Variants in TMBIM1 observed in about 807,000 individuals in gnomAD.
TMBIM1 encodes the protein protein lifeguard 3.
Under a neutral mutation model 45.1 loss-of-function variants are expected in TMBIM1, and 34 were observed. The ratio of observed to expected loss-of-function variants is 0.75; its 90% CI spans 0.57 to 1.00. The LOEUF (loss-of-function observed/expected upper bound fraction) is 1.00. TMBIM1 is among the 50% of genes least tolerant of loss of function. The pLI is 0.00. For missense variants in TMBIM1, 374 were observed against 402.4 expected (o/e 0.93, Z 0.60); for synonymous variants, 157 against 153.5 (o/e 1.02, Z -0.17).
At chr2:218,277,120 G>A (rs1691296792) in intron 9 of TMBIM1, 21 bp from the exon 10 acceptor site, 1 of 1,608,222 alleles carries the variant, frequency 6.2e-7, no homozygotes, top group East Asian at 2.2e-5. Context: ...GCAAGAAAGA[G>A]GCACCTGTCA....
intron 6 of TMBIM1, chr2:218,278,175 G>A: frequency 1.6e-6 from 1 of 629,808 alleles, no homozygotes; most frequent in South Asian, 2.0e-5. Context: ...CCTGTGTTGT[G>A]GCGCCAGAAA....
rs1320868051 is a variant in TMBIM1, at chr2:218,276,857, T to G, written c.735+147A>C. 4 of 668,792 alleles carry G rather than the reference T, an allele frequency of 6.0e-6. No homozygotes were observed. In the East Asian group the frequency reaches 1.1e-4, roughly 18 times the overall value. 41.4% of individuals were successfully genotyped at this position (668,792 alleles called of 1,614,324 possible). A position where few individuals can be genotyped will look rare whatever the true frequency, so the allele number is the denominator to read the frequency against. ...TACCCTCACCCAGAAGGATGCTGCC[T>G]CCACGTTGGTGCCTTTGCTAGCCAG... On this transcript the variant is annotated intron_variant, in intron 10 of 11. Transcript: ENST00000258412.
intron 6 of TMBIM1, 101 bp from the exon 7 acceptor site, chr2:218,278,075 T>A: frequency 7.2e-7 from 1 of 1,384,588 alleles, no homozygotes; most frequent in Non-Finnish European, 1.0e-6. Flanking sequence ...CCTGGAGGAT[T>A]AAGCCTTGAC....
rs1691088248 is a variant in TMBIM1, at chr2:218,275,400, G to C, written c.*75C>G. 4 of 1,531,376 alleles carry C rather than the reference G, an allele frequency of 2.6e-6. No homozygotes were observed. Among genetic ancestry groups the C allele is most frequent in the Non-Finnish European group, 3.5e-6 (4 of 1,143,508 alleles). 94.9% of individuals were successfully genotyped at this position (1,531,376 alleles called of 1,614,324 possible). ...GGGAAGGAAAGGGGCCTAAAGCCCA[G>C]ACCACAGTCATAGGGCCCAGCCCTC... is the stretch of plus-strand genomic sequence containing the variant. On this transcript the variant is annotated 3_prime_UTR_variant, in exon 12 of 12. Transcript: ENST00000258412.
intron 6 of TMBIM1, 72 bp downstream of exon 6, chr2:218,278,443 T>C (rs1691489320): frequency 6.7e-7 from 1 of 1,482,248 alleles, no homozygotes; most frequent in Admixed American, 1.7e-5. Flanking sequence ...AAGGAATCCT[T>C]CTTTCCAAAA....
At chr2:218,279,139 CCCACCCAGG>C (rs1451685496) in intron 4 of TMBIM1, 48 bp from the exon 5 acceptor site, 8 of 1,611,018 alleles carry the variant, frequency 5.0e-6, no homozygotes, top group Non-Finnish European at 5.1e-6. Context: ...GCTTGTCTGC[CCCACCCAGG>C]CCAGCCAGGC....
intron 10 of TMBIM1, among the ~76,000 whole-genome samples, chr2:218,276,490 C>T (rs1457875859): frequency 6.6e-6 from 1 of 152,182 alleles, no homozygotes; most frequent in Non-Finnish European, 1.5e-5. Context: ...CGGGAGCACC[C>T]ACAGGACAGC....
In TMBIM1 at chr2:218,283,619, G is replaced by C. The variant is rs562093539; in HGVS notation, c.-40-1438C>G. On this transcript the variant is annotated intron_variant, in intron 1 of 11. Coordinates refer to ENST00000258412, the MANE Select transcript of TMBIM1 (RefSeq NM_022152.6). The stretch of plus-strand genomic sequence containing the variant: ...CAGCAGACACCAGAGGCTCTCAGAG[G>C]CTCTGCTGGAAGCAAGAGAGACCAG... Among the ~76,000 whole-genome samples, 5 of 152,336 alleles carry C rather than the reference G, an allele frequency of 3.3e-5. No homozygotes were observed. In the South Asian group the frequency reaches 6.2e-4, roughly 19 times the overall value.
chr2:218,276,110 A>C (rs1042924653), intron 10 of TMBIM1, 31 bp from the exon 11 acceptor site: 3 of 1,608,194 alleles, frequency 1.9e-6, no homozygotes, highest in Admixed American at 3.4e-5. Context: ...GAATGGCATT[A>C]GAAACCTCAG....
chr2:218,277,899 C>G (rs768636631), intron 7 of TMBIM1, 36 bp downstream of exon 7: 1 of 1,613,890 alleles, frequency 6.2e-7, no homozygotes, highest in Non-Finnish European at 8.5e-7. Context: ...TCCCTCACAG[C>G]ATCTCCACAC....
intron 2 of TMBIM1, 146 bp downstream of exon 2, chr2:218,281,794 C>T (rs1008834990): frequency 2.0e-5 from 15 of 759,770 alleles, no homozygotes; most frequent in Non-Finnish European, 3.3e-5. Context: ...GTAACAAAGA[C>T]AGAAACAGAG....
At chr2:218,276,732 C>G (rs1691251537) in intron 10 of TMBIM1, among the ~76,000 whole-genome samples, 1 of 152,214 alleles carries the variant, frequency 6.6e-6, no homozygotes, top group Non-Finnish European at 1.5e-5. Flanking sequence ...TCTCAGCTGC[C>G]AGCCAGATTG....
In TMBIM1 at chr2:218,274,261, G is replaced by C. The variant is rs1361396343; in HGVS notation, c.*1214C>G. The C allele has an allele frequency of 6.5e-6, 1 of 154,904 alleles. No homozygotes were observed. The highest frequency in any genetic ancestry group is 1.5e-5 in the Non-Finnish European group (1 of 68,216). 9.6% of individuals were successfully genotyped at this position (154,904 alleles called of 1,614,324 possible). A position where few individuals can be genotyped will look rare whatever the true frequency, so the allele number is the denominator to read the frequency against. On this transcript the variant is annotated 3_prime_UTR_variant, in exon 12 of 12. Coordinates refer to ENST00000258412, the MANE Select transcript of TMBIM1 (RefSeq NM_022152.6). ...GTATCCCTTTGTGTGATATAGTTAG[G>C]ATTTCTCTATTAAGTAATTAATCCT...
rs572739023 is a variant in TMBIM1, at chr2:218,292,163, G to A, written c.-41+303C>T. Among the ~76,000 whole-genome samples, 96 of 152,350 alleles carry A rather than the reference G, an allele frequency of 6.3e-4. 2 individuals carry two copies. The South Asian group carries it at 0.019, about 31-fold the overall frequency. ...AGAGAGGCCACTCGTGCCCGAAAGA[G>A]GGAACACGAGGACACCCCCAGACCC... On this transcript the variant is annotated intron_variant, in intron 1 of 11. Transcript: ENST00000258412.
In TMBIM1 at chr2:218,281,995, G is replaced by C; in HGVS notation, c.147C>G (p.His49Gln). 6.2e-7 allele frequency: 1 copy of C among 1,607,454 alleles called. No homozygotes were observed. Among genetic ancestry groups the C allele is most frequent in the Non-Finnish European group, 8.5e-7 (1 of 1,177,984 alleles). The change falls in exon 2 of 12, where the codon CAC becomes CAG. Residue 49 changes from histidine (H) to glutamine (Q), a missense_variant. Coordinates refer to ENST00000258412, the MANE Select transcript of TMBIM1 (RefSeq NM_022152.6). Reference sequence around the variant, plus strand: ...GCATGGGCTGTGGGTAGCCAGCAGGGTGACCGTAGCCAGGCTGCGGGTAGC... The same window carrying C: ...GCATGGGCTGTGGGTAGCCAGCAGGCTGACCGTAGCCAGGCTGCGGGTAGC... The part of the protein sequence containing the change: ...YPGYPQPGYG[H>Q]PAGYPQPMPP...
In TMBIM1 at chr2:218,279,504, G is replaced by GGCAAT. The variant is rs905158653; in HGVS notation, c.304-156_304-152dup. ...ACCCCAGTGAGATGCCTGGCTCAGA[G>GGCAAT]GCAATGTGCACTTCTTCCTCAGCCC... On this transcript the variant is annotated intron_variant, in intron 3 of 11. Transcript: ENST00000258412. 3 of 612,476 alleles carry GGCAAT rather than the reference G, an allele frequency of 4.9e-6. No homozygotes were observed. The African/African-American group carries it at 5.6e-5, about 11-fold the overall frequency. The allele number at this position is 612,476 out of a possible 1,614,324, so 37.9% of individuals were successfully genotyped here. A position where few individuals can be genotyped will look rare whatever the true frequency, so the allele number is the denominator to read the frequency against.
At chr2:218,278,709 CCCAGCCAGG>C (rs1691526619) in intron 5 of TMBIM1, 144 bp from the exon 6 acceptor site, 2 of 905,094 alleles carry the variant, frequency 2.2e-6, no homozygotes, top group East Asian at 5.2e-5. Context: ...CGAGATTACC[CCCAGCCAGG>C]GTCACTGAGA....
Position 218,275,230 on chromosome 2 carries a change from C to G in TMBIM1, c.*245G>C. 1 of 400,864 alleles carries G rather than the reference C, an allele frequency of 2.5e-6. No individual in the cohort carries two copies. The highest frequency in any genetic ancestry group is 4.4e-6 in the Non-Finnish European group (1 of 227,858). The allele number at this position is 400,864 out of a possible 1,614,324, so 24.8% of individuals were successfully genotyped here. ...CATACAGTAGGTGGCGGGGAGAAGA[C>G]ACATCTTCAGCCTAGTCCCTGCCAA... On this transcript the variant is annotated 3_prime_UTR_variant, in exon 12 of 12. Coordinates refer to ENST00000258412, the MANE Select transcript of TMBIM1 (RefSeq NM_022152.6).
At chr2:218,285,208 C>G (rs1274663726) in intron 1 of TMBIM1, among the ~76,000 whole-genome samples, 6 of 152,188 alleles carry the variant, frequency 3.9e-5, no homozygotes, top group Admixed American at 2.6e-4. Flanking sequence ...CAAGTTAATA[C>G]TGTTATTATT....
Sources: allele counts gnomAD v4.1 joint callset (sites outside exome capture counted in the v4.1 genomes callset), GRCh38; gene constraint gnomAD v4.1.1; transcripts MANE v1.5; gene names NCBI Gene and HGNC (gene_info 2026-07-23, HGNC 2026-07-21).